DSCAML1: variants seen among roughly 807,000 people sequenced by gnomAD.
DSCAML1 encodes DS cell adhesion molecule like 1, also known as cell adhesion molecule DSCAML1.
Under a neutral mutation model 200.5 loss-of-function variants are expected in DSCAML1, and 38 were observed. That is an observed-to-expected ratio of 0.19 (90% confidence interval 0.15 to 0.25). The LOEUF is 0.25. Ranked by LOEUF, DSCAML1 falls within the 10% of genes least tolerant of loss-of-function variation. The pLI is 1.00. For missense variants in DSCAML1, 2,223 were observed against 2,858.8 expected (o/e 0.78, Z 5.07); for synonymous variants, 1,215 against 1,165.0 (o/e 1.04, Z -0.87).
chr11:117,428,196 TG>T lies in DSCAML1; in HGVS notation c.*131del. On this transcript the variant is annotated 3_prime_UTR_variant, in exon 33 of 33. Coordinates refer to ENST00000651296, the MANE Select transcript of DSCAML1 (RefSeq NM_020693.4). ...AGTTCTATGTACAGGCGTTCATGAT[TG>T]GGGGTTTTTGTTTTGTCGTTGGTTG... 1 of 642,142 alleles carries T rather than the reference TG, an allele frequency of 1.6e-6. No homozygotes were observed. Among genetic ancestry groups the T allele is most frequent in the East Asian group, 2.9e-5 (1 of 34,500 alleles). The allele number at this position is 642,142 out of a possible 1,614,324, so 39.8% of individuals were successfully genotyped here.
At chr11:117,706,853 T>G (rs1176952834) in intron 3 of DSCAML1, among the ~76,000 whole-genome samples, 1 of 152,032 alleles carries the variant, frequency 6.6e-6, no homozygotes, top group African/African-American at 2.4e-5. Context: ...TCTTAAGGAG[T>G]TCACGAACCA....
chr11:117,532,132 A>C (rs565406739), intron 4 of DSCAML1, among the ~76,000 whole-genome samples: 1 of 37,522 alleles, frequency 2.7e-5, no homozygotes, highest in East Asian at 4.1e-4. Context: ...CAGGAAAGAC[A>C]AAAAAAAAAG....
chr11:117,452,948 T>G (rs146468977), intron 19 of DSCAML1, among the ~76,000 whole-genome samples: 31 of 152,350 alleles, frequency 2.0e-4, no homozygotes, highest in African/African-American at 7.2e-4. Context: ...TCATTTTTTT[T>G]GAGACAGACT....
At chr11:117,536,162 T>TG (rs547437513) in intron 3 of DSCAML1, among the ~76,000 whole-genome samples, 2 of 151,974 alleles carry the variant, frequency 1.3e-5, no homozygotes, top group South Asian at 2.1e-4. Flanking sequence ...TTAGTCCCCT[T>TG]GGGGGGGCTT....
At chr11:117,440,537 C>T (rs1045791216) in intron 21 of DSCAML1, among the ~76,000 whole-genome samples, 9 of 152,278 alleles carry the variant, frequency 5.9e-5, no homozygotes, top group African/African-American at 2.2e-4. Context: ...AGGGGACGGG[C>T]AGAAGTAGAA....
rs1168641252 is a variant in DSCAML1, at chr11:117,516,771, G to A, written c.1511-32C>T. ...AGGAGTCAGAAGAGAGGAGGAGGAG[G>A]AGAAGGGCATGTGCTGCTGTCAGCC... On this transcript the variant is annotated intron_variant, in intron 7 of 32. Transcript: ENST00000651296. This position sits in a 1 kb window ranked among gnomAD's most constrained non-coding sequence, Gnocchi z 5.7. 6.3e-7 allele frequency: 1 copy of A among 1,589,990 alleles called. No individual in the cohort carries two copies. The highest frequency in any genetic ancestry group is 1.2e-5 in the South Asian group (1 of 86,788).
chr11:117,541,143 G>A (rs1052359884), intron 3 of DSCAML1, among the ~76,000 whole-genome samples: 1 of 152,234 alleles, frequency 6.6e-6, no homozygotes, highest in African/African-American at 2.4e-5. Context: ...GGCCTTTGCT[G>A]TCACAAATTC....
At chr11:117,778,948 C>T (rs1044434487) in intron 2 of DSCAML1, among the ~76,000 whole-genome samples, 2 of 152,188 alleles carry the variant, frequency 1.3e-5, no homozygotes, top group Non-Finnish European at 2.9e-5. Flanking sequence ...ATGGTCTAGC[C>T]CCAAACCAAC....
At chr11:117,629,286 T>C (rs1382679913) in intron 3 of DSCAML1, among the ~76,000 whole-genome samples, 1 of 152,078 alleles carries the variant, frequency 6.6e-6, no homozygotes, top group Non-Finnish European at 1.5e-5. Flanking sequence ...AGATTTGGCT[T>C]TGGCAAGGTG....
intron 3 of DSCAML1, among the ~76,000 whole-genome samples, chr11:117,588,444 G>T (rs537963107): frequency 6.6e-6 from 1 of 152,176 alleles, no homozygotes; most frequent in Non-Finnish European, 1.5e-5. Flanking sequence ...GGGATAACAC[G>T]GGTAGCAGCT....
At position 117,465,069 on chromosome 11, in the gene DSCAML1, C is replaced by T. The variant is rs191126736; in HGVS notation, c.3138G>A (p.Gly1046=). ...QYSIVEMKAT[G]DSEVYTLDNL... is the part of the protein sequence containing the mutation. Reference sequence around the variant, plus strand: ...TGTCCAGGGTGTAGACCTCGCTGTCCCCCGTGGCCTTCATCTCCACGATGC... The same window carrying T: ...TGTCCAGGGTGTAGACCTCGCTGTCTCCCGTGGCCTTCATCTCCACGATGC... The change falls in exon 17 of 33, where the codon GGG becomes GGA. Residue 1046 remains glycine (G), a synonymous_variant. Transcript: ENST00000651296. 24 of 1,613,746 alleles carry T rather than the reference C, an allele frequency of 1.5e-5. No individual in the cohort carries two copies. The East Asian group carries it at 2.5e-4, about 16-fold the overall frequency.
chr11:117,790,827 T>A (rs937694837), intron 1 of DSCAML1, among the ~76,000 whole-genome samples: 2 of 152,188 alleles, frequency 1.3e-5, no homozygotes, highest in East Asian at 3.9e-4. Flanking sequence ...TGAGCTTTGT[T>A]TTTTAGGTCC....
At chr11:117,483,095 G>A (rs2048963089) in intron 11 of DSCAML1, among the ~76,000 whole-genome samples, 1 of 152,178 alleles carries the variant, frequency 6.6e-6, no homozygotes, top group Non-Finnish European at 1.5e-5. Context: ...TCAATCACCG[G>A]CCCCTCCTCT....
chr11:117,768,158 C>A (rs1447492856), intron 3 of DSCAML1, among the ~76,000 whole-genome samples: 4 of 152,174 alleles, frequency 2.6e-5, no homozygotes, highest in African/African-American at 9.7e-5. Flanking sequence ...AAATTAGACA[C>A]CCCGCAGTTT....
chr11:117,625,846 G>A (rs544645113), intron 3 of DSCAML1, among the ~76,000 whole-genome samples: 4 of 152,316 alleles, frequency 2.6e-5, no homozygotes, highest in South Asian at 2.1e-4. Context: ...AAGGAAGTAC[G>A]GTGCAGATCC....
chr11:117,573,692 C>T (rs1215054739), intron 3 of DSCAML1, among the ~76,000 whole-genome samples: 1 of 152,172 alleles, frequency 6.6e-6, no homozygotes, highest in African/African-American at 2.4e-5. Context: ...TATGCTTCAG[C>T]CCCCCGTGGA....
chr11:117,773,012 C>T (rs947385786), intron 3 of DSCAML1, among the ~76,000 whole-genome samples: 8 of 152,222 alleles, frequency 5.3e-5, no homozygotes, highest in African/African-American at 1.9e-4. Flanking sequence ...CCAGACTCTC[C>T]CTGCCCTGGG....
chr11:117,646,103 G>A (rs1384238418), intron 3 of DSCAML1, among the ~76,000 whole-genome samples: 1 of 152,000 alleles, frequency 6.6e-6, no homozygotes, highest in East Asian at 1.9e-4. Flanking sequence ...TTCATTAAAT[G>A]TATAACCAGG....
chr11:117,429,255 G>A (rs138870355), intron 32 of DSCAML1, among the ~76,000 whole-genome samples: 301 of 152,166 alleles, frequency 2.0e-3, no homozygotes, highest in African/African-American at 6.9e-3. Context: ...ATTCCCTGTC[G>A]CCTCCCCACC....
Sources: allele counts gnomAD v4.1 joint callset (sites outside exome capture counted in the v4.1 genomes callset), GRCh38; gene constraint gnomAD v4.1.1; non-coding constraint Gnocchi (gnomAD v3.1); transcripts MANE v1.5; gene names NCBI Gene and HGNC (gene_info 2026-07-23, HGNC 2026-07-21).